RGS6: variants seen among roughly 807,000 people sequenced by gnomAD.
RGS6 encodes regulator of G-protein signaling 6.
Under a neutral mutation model 78.5 loss-of-function variants are expected in RGS6, and 30 were observed. The observed-to-expected ratio is 0.38, with a 90% CI of 0.29 to 0.52. RGS6 has a LOEUF of 0.52. Ranked by LOEUF, RGS6 falls within the 20% of genes least tolerant of loss-of-function variation. The probability of loss-of-function intolerance (pLI) is 0.85; values close to 1 mark genes in which losing one functional copy is unlikely to be tolerated. For missense variants in RGS6, 495 were observed against 609.7 expected (o/e 0.81, Z 1.98); for synonymous variants, 206 against 206.0 (o/e 1.00, Z 0.00).
intron 2 of RGS6, among the ~76,000 whole-genome samples, chr14:72,133,389 C>G (rs946553190): frequency 1.3e-5 from 2 of 152,102 alleles, no homozygotes; most frequent in African/African-American, 4.8e-5. Context: ...ACTAAGTTCC[C>G]TTTGCGATAC....
chr14:72,137,867 C>T (rs543589090), intron 2 of RGS6, among the ~76,000 whole-genome samples: 2 of 152,240 alleles, frequency 1.3e-5, no homozygotes, highest in Admixed American at 1.3e-4. Context: ...TTGTTTAAAT[C>T]ATTTACATAA....
chr14:72,028,670 T>C (rs1432691003), intron 2 of RGS6, among the ~76,000 whole-genome samples: 3 of 152,246 alleles, frequency 2.0e-5, no homozygotes, highest in Non-Finnish European at 4.4e-5. Flanking sequence ...AGGCTGCGTC[T>C]GTGCTCCGCT....
the RGS6 span, among the ~76,000 whole-genome samples, chr14:71,905,576 C>T: frequency 6.6e-6 from 1 of 152,140 alleles, no homozygotes; most frequent in African/African-American, 2.4e-5. Context: ...CTGCAACCTC[C>T]ACCTCCTGGG....
chr14:72,444,383 G>A (rs915263292), intron 3 of RGS6, among the ~76,000 whole-genome samples: 1 of 151,986 alleles, frequency 6.6e-6, no homozygotes, highest in African/African-American at 2.4e-5. Context: ...GGTGAGGGGG[G>A]ATGGGGCTTG....
At position 72,249,892 on chromosome 14, in the gene RGS6, A is replaced by G. The variant is rs543773855; in HGVS notation, c.85-102203A>G. 6.6e-5 allele frequency among the ~76,000 whole-genome samples: 10 copies of G among 152,196 alleles called. No homozygotes were observed. The East Asian group carries it at 1.4e-3, about 21-fold the overall frequency. On this transcript the variant is annotated intron_variant, in intron 2 of 17. Coordinates refer to ENST00000553525, the MANE Select transcript of RGS6 (RefSeq NM_001204424.2). ...TAAGAAAATGTGGCACATATACACC[A>G]TGGAATACTATACAGCCATAAAAAA...
chr14:72,097,483 A>G (rs2095432715), intron 2 of RGS6, among the ~76,000 whole-genome samples: 2 of 152,208 alleles, frequency 1.3e-5, no homozygotes, highest in South Asian at 4.1e-4. Context: ...ATGAATGGCA[A>G]TAGAGCAAGT....
intron 16 of RGS6, 120 bp downstream of exon 16, chr14:72,536,395 C>T (rs2097251772): frequency 2.7e-6 from 2 of 738,702 alleles, no homozygotes; most frequent in Non-Finnish European, 4.8e-6. Flanking sequence ...TTCTTCTTTC[C>T]CTTCTCTATC....
intron 1 of RGS6, among the ~76,000 whole-genome samples, chr14:71,957,608 C>T (rs1280150500): frequency 6.6e-6 from 1 of 151,998 alleles, no homozygotes; most frequent in Non-Finnish European, 1.5e-5. Flanking sequence ...GAGTTCAGAG[C>T]CCTGGTGAGA....
chr14:72,467,160 T>G (rs1597931253), intron 7 of RGS6, among the ~76,000 whole-genome samples: 1 of 152,270 alleles, frequency 6.6e-6, no homozygotes. Context: ...TGCAAAATTT[T>G]TCCCCCAAAC....
At chr14:72,465,599 TGGTTGGGTGGATGGGTGGA>T (rs1566914119) in intron 6 of RGS6, among the ~76,000 whole-genome samples, 140 bp from the exon 7 acceptor site, 2 of 144,260 alleles carry the variant, frequency 1.4e-5, no homozygotes, top group Non-Finnish European at 3.0e-5. Context: ...GATGGATGGA[TGGTTGGGTGGATGGGTGGA>T]TGGGTGGATG....
intron 2 of RGS6, among the ~76,000 whole-genome samples, chr14:72,295,050 G>A (rs1052674921): frequency 6.6e-6 from 1 of 152,060 alleles, no homozygotes; most frequent in Non-Finnish European, 1.5e-5. Flanking sequence ...CCAGCACTTT[G>A]GGAGGCCGAG....
intron 1 of RGS6, among the ~76,000 whole-genome samples, chr14:71,943,459 T>G (rs1034617913): frequency 2.6e-5 from 4 of 152,158 alleles, no homozygotes; most frequent in Non-Finnish European, 5.9e-5. Context: ...CCTCTTTATT[T>G]TCTGTTCCTG....
intron 2 of RGS6, among the ~76,000 whole-genome samples, chr14:72,235,849 A>T (rs2050873822): frequency 1.3e-5 from 2 of 152,260 alleles, no homozygotes; most frequent in Admixed American, 6.5e-5. Context: ...AGAAATACAT[A>T]AATTCTAGAA....
At chr14:71,992,965 T>C (rs2095031394) in intron 2 of RGS6, among the ~76,000 whole-genome samples, 1 of 152,230 alleles carries the variant, frequency 6.6e-6, no homozygotes, top group Non-Finnish European at 1.5e-5. Flanking sequence ...TCTTCTCTAT[T>C]AATTTGTTGG....
At chr14:72,069,624 G>A (rs181997891) in intron 2 of RGS6, among the ~76,000 whole-genome samples, 3 of 151,786 alleles carry the variant, frequency 2.0e-5, no homozygotes, top group Non-Finnish European at 2.9e-5. Context: ...TTGCAGCCTC[G>A]ACCTCCCTGG....
chr14:72,050,435 A>C (rs1311604754), intron 2 of RGS6, among the ~76,000 whole-genome samples: 1 of 152,172 alleles, frequency 6.6e-6, no homozygotes, highest in Non-Finnish European at 1.5e-5. Context: ...ATTAATGCTT[A>C]TTATAGGTGA....
intron 2 of RGS6, among the ~76,000 whole-genome samples, chr14:72,115,823 T>C (rs1418702734): frequency 6.6e-6 from 1 of 152,214 alleles, no homozygotes; most frequent in East Asian, 1.9e-4. Context: ...TGACTTGCTA[T>C]AAGTCAACCA....
chr14:72,310,643 G>T (rs2068372477), intron 2 of RGS6, among the ~76,000 whole-genome samples: 8 of 152,208 alleles, frequency 5.3e-5, no homozygotes, highest in Admixed American at 5.2e-4. Context: ...CTTTCTGAAA[G>T]CAGAGGCTCT....
At chr14:72,417,906 G>T (rs1359553808) in intron 3 of RGS6, among the ~76,000 whole-genome samples, 1 of 152,114 alleles carries the variant, frequency 6.6e-6, no homozygotes, top group East Asian at 1.9e-4. Flanking sequence ...CCAAGTTTTT[G>T]ATCAAGAGAG....
Sources: allele counts gnomAD v4.1 joint callset (sites outside exome capture counted in the v4.1 genomes callset), GRCh38; gene constraint gnomAD v4.1.1; transcripts MANE v1.5; gene names NCBI Gene and HGNC (gene_info 2026-07-23, HGNC 2026-07-21).